Variants in RANBP2 observed in about 807,000 individuals in gnomAD.
RANBP2 encodes RAN binding protein 2.
Under a neutral mutation model 303.6 loss-of-function variants are expected in RANBP2, and 57 were observed. The ratio of observed to expected loss-of-function variants is 0.19; its 90% CI spans 0.15 to 0.23. The LOEUF (loss-of-function observed/expected upper bound fraction) is 0.23, where lower values mean the gene tolerates loss of function less well. Ranked by LOEUF, RANBP2 falls within the 10% of genes least tolerant of loss-of-function variation. The probability of loss-of-function intolerance (pLI) is 1.00; values close to 1 mark genes in which losing one functional copy is unlikely to be tolerated. For synonymous variants in RANBP2, 1,167 were observed against 1,301.5 expected, an observed-to-expected ratio of 0.90 and a Z score of 2.23; for missense variants, 3,138 against 3,780.8, an observed-to-expected ratio of 0.83 and a Z score of 4.46.
At chr2:109,215,448 C>T in the RANBP2 span, among the ~76,000 whole-genome samples, 5 of 152,118 alleles carry the variant, frequency 3.3e-5, no homozygotes, top group Non-Finnish European at 5.9e-5. Flanking sequence ...GACCCCTCCT[C>T]AAGCCACTTT....
the RANBP2 span, among the ~76,000 whole-genome samples, chr2:109,586,405 C>T: frequency 0.03 from 4,572 of 151,314 alleles, 78 homozygotes; most frequent in South Asian, 0.076. Flanking sequence ...GTTTATCTAG[C>T]TTTTTCCCTG....
the RANBP2 span, among the ~76,000 whole-genome samples, chr2:108,833,962 G>A: frequency 7.2e-6 from 1 of 139,206 alleles, no homozygotes; most frequent in Non-Finnish European, 1.5e-5. Flanking sequence ...TAGCCAGGAT[G>A]GTCTCTATCT....
the RANBP2 span, among the ~76,000 whole-genome samples, chr2:109,292,099 G>A: frequency 2.6e-5 from 4 of 152,180 alleles, no homozygotes; most frequent in East Asian, 1.9e-4. Flanking sequence ...TCCTGACCTC[G>A]TGATCTGCCC....
At chr2:109,414,540 C>T in the RANBP2 span, among the ~76,000 whole-genome samples, 20 of 152,264 alleles carry the variant, frequency 1.3e-4, no homozygotes, top group East Asian at 9.7e-4. Context: ...ATCTTGGCTA[C>T]GGTCACAAAC....
At chr2:108,979,430 C>CTCTT in the RANBP2 span, among the ~76,000 whole-genome samples, 105,636 of 148,248 alleles carry the variant, frequency 0.71, 40,414 homozygotes, top group Non-Finnish European at 0.87. Flanking sequence ...CTGTCTCTCT[C>CTCTT]TCTCTTTCTC....
chr2:108,978,722 A>ACAATGCCCAACC, the RANBP2 span, among the ~76,000 whole-genome samples: 3 of 152,348 alleles, frequency 2.0e-5, no homozygotes, highest in East Asian at 5.8e-4. Flanking sequence ...ACACCAGCAG[A>ACAATGCCCAACC]CAATGCCCAA....
At chr2:109,670,349 TGG>T in the RANBP2 span, among the ~76,000 whole-genome samples, 1 of 29,972 alleles carries the variant, frequency 3.3e-5, no homozygotes, top group African/African-American at 1.4e-4. Context: ...GGGGTGCTAT[TGG>T]GGGCCAGACT....
chr2:108,777,421 C>G (rs1677970953), intron 25 of RANBP2, among the ~76,000 whole-genome samples, 190 bp downstream of exon 25: 2 of 150,408 alleles, frequency 1.3e-5, no homozygotes, highest in African/African-American at 4.9e-5. Flanking sequence ...TAAGAATTTT[C>G]TCTTAATTTT....
the RANBP2 span, among the ~76,000 whole-genome samples, chr2:108,893,166 C>T: frequency 6.6e-6 from 1 of 152,126 alleles, no homozygotes; most frequent in South Asian, 2.1e-4. Context: ...CTGGGATTCT[C>T]ATATTACTAT....
the RANBP2 span, chr2:109,565,704 A>G: frequency 7.4e-7 from 1 of 1,358,600 alleles, no homozygotes; most frequent in South Asian, 1.2e-5. Flanking sequence ...AAGGCATGAC[A>G]GGTAGCTTTG....
chr2:109,531,930 G>A, the RANBP2 span, among the ~76,000 whole-genome samples: 1 of 152,230 alleles, frequency 6.6e-6, no homozygotes, highest in Non-Finnish European at 1.5e-5. Context: ...TATAGAAATT[G>A]ATTGCACTTG....
the RANBP2 span, chr2:108,908,066 C>T: frequency 6.4e-7 from 1 of 1,553,912 alleles, no homozygotes; most frequent in East Asian, 2.3e-5. Flanking sequence ...GGGGGGGCTG[C>T]AGCCCTGACA....
At chr2:109,344,139 G>C in the RANBP2 span, among the ~76,000 whole-genome samples, 1 of 152,210 alleles carries the variant, frequency 6.6e-6, no homozygotes, top group East Asian at 1.9e-4. Context: ...ATATAGAGGG[G>C]ACCTGCTACG....
chr2:109,738,052 G>C, the RANBP2 span, among the ~76,000 whole-genome samples: 1 of 150,764 alleles, frequency 6.6e-6, no homozygotes, highest in East Asian at 2.0e-4. Flanking sequence ...TCTGTTGATT[G>C]TTTCCTTTGC....
At chr2:109,066,625 A>C in the RANBP2 span, among the ~76,000 whole-genome samples, 10 of 152,182 alleles carry the variant, frequency 6.6e-5, no homozygotes, top group African/African-American at 2.2e-4. Context: ...AACTGGCCCC[A>C]GCTGCCTTTC....
chr2:109,664,644 T>C, the RANBP2 span, among the ~76,000 whole-genome samples: 4 of 151,824 alleles, frequency 2.6e-5, no homozygotes, highest in Non-Finnish European at 4.4e-5. Context: ...AATATCTCAA[T>C]GTGGGCCGGG....
At chr2:109,269,268 C>G in the RANBP2 span, among the ~76,000 whole-genome samples, 1 of 152,154 alleles carries the variant, frequency 6.6e-6, no homozygotes, top group Non-Finnish European at 1.5e-5. Context: ...TTTGAAATGA[C>G]ATAAAGGGAC....
chr2:108,983,152 A>C, the RANBP2 span, among the ~76,000 whole-genome samples: 1 of 152,210 alleles, frequency 6.6e-6, no homozygotes, highest in South Asian at 2.1e-4. Context: ...TTGGAGATAC[A>C]GGCTTTCTGC....
Position 108,753,813 on chromosome 2 carries a change from C to T in RANBP2, c.2056-12C>T, listed in dbSNP as rs780897839. The T allele has an allele frequency of 6.2e-6, 10 of 1,611,828 alleles. No homozygotes were observed. The highest frequency in any genetic ancestry group is 3.3e-5 in the Admixed American group (2 of 59,990). On this transcript the variant is annotated splice_polypyrimidine_tract_variant and intron_variant, in intron 14 of 28. Coordinates refer to ENST00000283195, the MANE Select transcript of RANBP2 (RefSeq NM_006267.5). ...AAAACCTAATGATTTCATAAAAGCA[C>T]TATTTGTATAGATTTTTCACAGGAA...
Sources: allele counts gnomAD v4.1 joint callset (sites outside exome capture counted in the v4.1 genomes callset), GRCh38; gene constraint gnomAD v4.1.1; transcripts MANE v1.5; gene names NCBI Gene and HGNC (gene_info 2026-07-23, HGNC 2026-07-21).